The following SORCS1 variants were observed in gnomAD, a reference collection of about 807,000 sequenced individuals.
SORCS1 encodes the protein VPS10 domain-containing receptor SorCS1.
A neutral mutation model predicts 146.1 loss-of-function variants in SORCS1; 60 were observed. The ratio of observed to expected loss-of-function variants is 0.41; its 90% CI spans 0.33 to 0.51. SORCS1 has a LOEUF of 0.51. Ranked by LOEUF, SORCS1 falls within the 20% of genes least tolerant of loss-of-function variation. The pLI is 0.21. For missense variants in SORCS1, 1,352 were observed against 1,487.6 expected (o/e 0.91, Z 1.50); for synonymous variants, 637 against 584.0 (o/e 1.09, Z -1.31).
intron 1 of SORCS1, among the ~76,000 whole-genome samples, chr10:107,127,064 C>A (rs892367534): frequency 6.6e-6 from 1 of 151,998 alleles, no homozygotes; most frequent in African/African-American, 2.4e-5. Flanking sequence ...AATGAGATGC[C>A]AACCCCAATC....
upstream of SORCS1, among the ~76,000 whole-genome samples, chr10:107,165,264 G>T (rs995179152): frequency 5.4e-5 from 8 of 148,084 alleles, no homozygotes; most frequent in Non-Finnish European, 1.0e-4. This position sits in a 1 kb window ranked among gnomAD's most constrained non-coding sequence, Gnocchi z 4.0. Context: ...GCAGCAGAGA[G>T]TGATGTAATT....
chr10:106,949,437 A>T (rs822095), intron 2 of SORCS1, among the ~76,000 whole-genome samples: 1 of 151,932 alleles, frequency 6.6e-6, no homozygotes. Flanking sequence ...TAACAAACAC[A>T]CAGGTGAGTT....
At chr10:106,971,283 C>A (rs112599326) in intron 1 of SORCS1, among the ~76,000 whole-genome samples, 2,099 of 152,308 alleles carry the variant, frequency 0.014, 24 homozygotes, top group Admixed American at 0.024. Flanking sequence ...TGCCCCATAT[C>A]CTCTCAGAAT....
chr10:107,177,965 A>G, the SORCS1 span, among the ~76,000 whole-genome samples: 1,139 of 152,224 alleles, frequency 7.5e-3, 10 homozygotes, highest in African/African-American at 0.024. Context: ...ACACATGGAC[A>G]CATGGAGGGG....
At chr10:106,788,042 G>A (rs1946139327) in intron 3 of SORCS1, among the ~76,000 whole-genome samples, 1 of 152,168 alleles carries the variant, frequency 6.6e-6, no homozygotes, top group Non-Finnish European at 1.5e-5. Flanking sequence ...TGTTGCCTTT[G>A]AAAGTCTTGG....
At chr10:106,764,186 CAG>C (rs1859364615) in intron 4 of SORCS1, among the ~76,000 whole-genome samples, 1 of 152,210 alleles carries the variant, frequency 6.6e-6, no homozygotes, top group Admixed American at 6.5e-5. Flanking sequence ...GATTTGAAAG[CAG>C]AGTCTTGAAT....
chr10:106,823,100 A>C (rs1948134165), intron 3 of SORCS1, among the ~76,000 whole-genome samples: 1 of 152,114 alleles, frequency 6.6e-6, no homozygotes, highest in Non-Finnish European at 1.5e-5. Context: ...TTATGAATGA[A>C]ACATACATCC....
rs577694951 is a variant in SORCS1, at chr10:107,109,763, A to G, written c.558+54206T>C. 3.3e-5 allele frequency among the ~76,000 whole-genome samples: 5 copies of G among 152,344 alleles called. No individual in the cohort carries two copies. The South Asian group carries it at 1.0e-3, about 32-fold the overall frequency. On this transcript the variant is annotated intron_variant, in intron 1 of 25. Transcript: ENST00000263054. ...CTTATCCTTTCTGTGTCACGTGGCTAGGCTGCAGATTTTCTAAACTTTTAC... is the reference window on the plus strand; with the variant it reads ...CTTATCCTTTCTGTGTCACGTGGCTGGGCTGCAGATTTTCTAAACTTTTAC...
At chr10:106,830,951 T>G (rs773109246) in intron 2 of SORCS1, among the ~76,000 whole-genome samples, 1 of 150,696 alleles carries the variant, frequency 6.6e-6, no homozygotes, top group Non-Finnish European at 1.5e-5. Context: ...TCTCAGCACT[T>G]TGGGAGGCTG....
chr10:106,775,187 G>C (rs1331256074), intron 4 of SORCS1, among the ~76,000 whole-genome samples: 2 of 152,184 alleles, frequency 1.3e-5, no homozygotes, highest in Non-Finnish European at 2.9e-5. Flanking sequence ...CATCGGTGGG[G>C]GGGAATTAAC....
intron 2 of SORCS1, among the ~76,000 whole-genome samples, chr10:106,838,138 T>C (rs1157796575): frequency 1.3e-5 from 2 of 152,174 alleles, no homozygotes; most frequent in East Asian, 1.9e-4. Context: ...GAAATAAAAA[T>C]TGAGAAGCTC....
rs377107519 is a variant in SORCS1, at chr10:106,885,903, C to T, written c.627-56230G>A. ...CCTTTTTGCCTGTCACCACATAAGA[C>T]GTGCCTTTCACCTTCCCCCATGATT... is the stretch of plus-strand genomic sequence containing the variant. On this transcript the variant is annotated intron_variant, in intron 2 of 25. Coordinates refer to ENST00000263054, the MANE Select transcript of SORCS1 (RefSeq NM_052918.5). Among the ~76,000 whole-genome samples, 21 of 152,218 alleles carry T rather than the reference C, an allele frequency of 1.4e-4. No homozygotes were observed. In the South Asian group the frequency reaches 3.7e-3, roughly 27 times the overall value.
intron 1 of SORCS1, among the ~76,000 whole-genome samples, chr10:107,072,529 C>T (rs556853049): frequency 1.9e-4 from 29 of 152,116 alleles, no homozygotes; most frequent in Admixed American, 1.9e-3. Flanking sequence ...AAATTCCCTG[C>T]TCTCTGAATA....
chr10:106,849,961 G>A lies in SORCS1; in HGVS notation c.627-20288C>T, dbSNP rs564141719. Among the ~76,000 whole-genome samples, 347 of 152,264 alleles carry A rather than the reference G, an allele frequency of 2.3e-3. 1 individual carries two copies. The highest frequency in any genetic ancestry group is 8.0e-3 in the African/African-American group (334 of 41,564). On this transcript the variant is annotated intron_variant, in intron 2 of 25. Coordinates refer to ENST00000263054, the MANE Select transcript of SORCS1 (RefSeq NM_052918.5). ...TGCCCGTTCTCAGATCTCCAGCTGC[G>A]TGCTGGAAGAACCACTGCTGTCTTC... is the stretch of plus-strand genomic sequence containing the variant.
chr10:106,855,164 T>C (rs12776605), intron 2 of SORCS1, among the ~76,000 whole-genome samples: 7,797 of 152,268 alleles, frequency 0.051, 271 homozygotes, highest in African/African-American at 0.096. Flanking sequence ...TTTTCCATTA[T>C]TTTTTCCTCT....
At chr10:106,596,983 C>G (rs909508911) in intron 24 of SORCS1, among the ~76,000 whole-genome samples, 7 of 152,090 alleles carry the variant, frequency 4.6e-5, no homozygotes, top group African/African-American at 1.7e-4. Context: ...TCTCAAGTAG[C>G]TGGGACTACA....
chr10:106,819,626 G>T (rs967084726), intron 3 of SORCS1, among the ~76,000 whole-genome samples: 1 of 152,150 alleles, frequency 6.6e-6, no homozygotes. Context: ...GATGATATTT[G>T]AATCTGCTGC....
Position 106,575,545 on chromosome 10 carries a change from C to T in SORCS1, c.*1875G>A, listed in dbSNP as rs942449726. On this transcript the variant is annotated 3_prime_UTR_variant, in exon 26 of 26. Transcript: ENST00000263054. ...ACTAAAGGGGCCTCTGCTGAACAGG[C>T]TTTTGTTTCCCTCTTTCTCTGAGCC... 1 of 152,242 alleles carries T rather than the reference C, an allele frequency of 6.6e-6. No homozygotes were observed. The highest frequency in any genetic ancestry group is 2.4e-5 in the African/African-American group (1 of 41,446). 9.4% of individuals were successfully genotyped at this position (152,242 alleles called of 1,614,324 possible).
intron 2 of SORCS1, among the ~76,000 whole-genome samples, chr10:106,936,698 G>C (rs983904003): frequency 6.6e-6 from 1 of 152,174 alleles, no homozygotes; most frequent in African/African-American, 2.4e-5. Context: ...TTGATGATGA[G>C]AAGACTGGCA....
Sources: allele counts gnomAD v4.1 joint callset (sites outside exome capture counted in the v4.1 genomes callset), GRCh38; gene constraint gnomAD v4.1.1; non-coding constraint Gnocchi (gnomAD v3.1); transcripts MANE v1.5; gene names NCBI Gene and HGNC (gene_info 2026-07-23, HGNC 2026-07-21).